UGP2: variants seen among roughly 807,000 people sequenced by gnomAD.
UGP2 encodes the protein UTP--glucose-1-phosphate uridylyltransferase.
UGP2 carries 40 observed loss-of-function variants against 49.0 expected under a neutral mutation model. That is an observed-to-expected ratio of 0.82 (90% CI 0.63 to 1.06). The LOEUF is 1.06. UGP2 is among the 50% of genes least tolerant of loss of function. UGP2 has a pLI of 0.00. For synonymous variants in UGP2, 225 were observed against 213.0 expected (o/e 1.06, Z -0.49); for missense variants, 460 against 603.5 (o/e 0.76, Z 2.49).
At chr2:63,848,078 A>G (rs1331659673) in intron 1 of UGP2, among the ~76,000 whole-genome samples, 1 of 152,194 alleles carries the variant, frequency 6.6e-6, no homozygotes, top group Non-Finnish European at 1.5e-5. Context: ...GTTGGAGAAA[A>G]TTCCAGCAAT....
chr2:63,890,058 T>G, intron 8 of UGP2, 23 bp from the exon 9 acceptor site: 4 of 1,566,962 alleles, frequency 2.6e-6, no homozygotes, highest in Non-Finnish European at 3.5e-6. Flanking sequence ...AGACAAATTT[T>G]TATGTTTCTC....
At chr2:63,855,520 G>GTTTTTTTTTTTTTTTTTTTTTCTT (rs1669342591) in intron 1 of UGP2, 6 of 194,310 alleles carry the variant, frequency 3.1e-5, no homozygotes, top group Non-Finnish European at 4.9e-5. Flanking sequence ...TTCTTTTTCT[G>GTTTTTTTTTTTTTTTTTTTTTCTT]TTTTTTTTTT....
intron 1 of UGP2, among the ~76,000 whole-genome samples, chr2:63,850,920 G>A (rs889899585): frequency 2.0e-5 from 3 of 152,126 alleles, no homozygotes; most frequent in African/African-American, 7.2e-5. Context: ...TGTTACATGA[G>A]TATCTACTAT....
Position 63,882,631 on chromosome 2 carries a change from C to G in UGP2, c.421C>G (p.Leu141Val), listed in dbSNP as rs1424024725. The change falls in exon 4 of 10, where the codon CTG becomes GTG. Residue 141 changes from leucine to valine, a missense_variant. Coordinates refer to ENST00000337130, the MANE Select transcript of UGP2 (RefSeq NM_006759.4). ...GVRNENTFLD[L>V]TVQQIEHLNK... The stretch of plus-strand genomic sequence containing the variant: ...GAGGAATGAGAATACCTTTCTGGAT[C>G]TGACTGTTCAGCAAATTGAAGTGAG... 6 of 1,578,516 alleles carry G rather than the reference C, an allele frequency of 3.8e-6. No individual in the cohort carries two copies. The highest frequency in any genetic ancestry group is 3.4e-5 in the Admixed American group (2 of 58,394).
Position 63,891,408 on chromosome 2 carries a change from C to A in UGP2, c.*181C>A. ...AAAAGCACAGATGGAGCAATACTTT[C>A]CTTCTTTGAAGAGAATCCCAAAAGT... On this transcript the variant is annotated 3_prime_UTR_variant, in exon 10 of 10. Transcript: ENST00000337130. The A allele has an allele frequency of 2.4e-6, 1 of 419,190 alleles. No homozygotes were observed. The highest frequency in any genetic ancestry group is 4.1e-6 in the Non-Finnish European group (1 of 241,322). 26.0% of individuals were successfully genotyped at this position (419,190 alleles called of 1,614,324 possible). A position where few individuals can be genotyped will look rare whatever the true frequency, so the allele number is the denominator to read the frequency against.
In UGP2 at chr2:63,877,486, A is replaced by G. The variant is rs898826253; in HGVS notation, c.256-4980A>G. On this transcript the variant is annotated intron_variant, in intron 3 of 9. Coordinates refer to ENST00000337130, the MANE Select transcript of UGP2 (RefSeq NM_006759.4). Reference sequence around the variant, plus strand: ...AATACTTTCTCATTTATATTACCTTATTTTGTGTGCGTTTTCAAAAATATT... The same window carrying G: ...AATACTTTCTCATTTATATTACCTTGTTTTGTGTGCGTTTTCAAAAATATT... Among the ~76,000 whole-genome samples the G allele has an allele frequency of 2.6e-5, 4 of 152,088 alleles. No individual in the cohort carries two copies. In the South Asian group the frequency reaches 8.3e-4, roughly 32 times the overall value.
rs1672147885 is a variant in UGP2, at chr2:63,891,376, G to GAAAAC, written c.*149_*150insAAAAC. The GAAAAC allele has an allele frequency of 5.5e-6, 3 of 540,732 alleles. No homozygotes were observed. The highest frequency in any genetic ancestry group is 3.9e-5 in the Admixed American group (1 of 25,332). 33.5% of individuals were successfully genotyped at this position (540,732 alleles called of 1,614,324 possible). ...TAGAGTTTTCTGCAGTATGCTTTTA[G>GAAAAC]TCTAAGAAAAGCACAGATGGAGCAA... On this transcript the variant is annotated 3_prime_UTR_variant, in exon 10 of 10. Transcript: ENST00000337130.
intron 3 of UGP2, among the ~76,000 whole-genome samples, chr2:63,868,162 A>G (rs1670300778): frequency 6.6e-6 from 1 of 152,220 alleles, no homozygotes; most frequent in African/African-American, 2.4e-5. Context: ...TGTAGCTATT[A>G]AAATAATTAA....
Position 63,891,313 on chromosome 2 carries a change from T to TA in UGP2, c.*87dup, listed in dbSNP as rs1352940077. 6 of 1,124,990 alleles carry TA rather than the reference T, an allele frequency of 5.3e-6. No homozygotes were observed. The Admixed American group carries it at 5.9e-5, about 11-fold the overall frequency. The allele number at this position is 1,124,990 out of a possible 1,614,324, so 69.7% of individuals were successfully genotyped here. On this transcript the variant is annotated 3_prime_UTR_variant, in exon 10 of 10. Transcript: ENST00000337130. ...AGGATTCTAAAATAGGCAGGTACTT[T>TA]ACTATGTTACTGTACCCTGCAGTGT... is the stretch of plus-strand genomic sequence containing the variant.
At chr2:63,873,275 A>C (rs1024882347) in intron 3 of UGP2, among the ~76,000 whole-genome samples, 2 of 152,222 alleles carry the variant, frequency 1.3e-5, no homozygotes, top group Admixed American at 1.3e-4. Context: ...AATCATCTCA[A>C]ACCACATCAC....
intron 1 of UGP2, among the ~76,000 whole-genome samples, chr2:63,847,066 G>C (rs528909864): frequency 6.6e-6 from 1 of 152,084 alleles, no homozygotes; most frequent in East Asian, 1.9e-4. Flanking sequence ...TGCTAACTCA[G>C]CCTTTCTTCT....
intron 3 of UGP2, among the ~76,000 whole-genome samples, chr2:63,872,720 T>C (rs1227139675): frequency 6.6e-6 from 1 of 152,044 alleles, no homozygotes; most frequent in East Asian, 1.9e-4. Context: ...AACTACATAA[T>C]TTCCCTTTAG....
Position 63,886,248 on chromosome 2 carries a change from TTATA to T in UGP2, c.874-89_874-86del, listed in dbSNP as rs1050449086. On this transcript the variant is annotated intron_variant, in intron 6 of 9. Transcript: ENST00000337130. ...TTTACTCTGTTTCTACATAATGTAT[TTATA>T]TATTTTTTGTATAATCACTATCTTT... is the stretch of plus-strand genomic sequence containing the variant. 6 of 1,207,730 alleles carry T rather than the reference TTATA, an allele frequency of 5.0e-6. No individual in the cohort carries two copies. In the Admixed American group the frequency reaches 5.9e-5, roughly 12 times the overall value. 74.8% of individuals were successfully genotyped at this position (1,207,730 alleles called of 1,614,324 possible). A position where few individuals can be genotyped will look rare whatever the true frequency, so the allele number is the denominator to read the frequency against.
chr2:63,849,166 A>T (rs558862224), intron 1 of UGP2, among the ~76,000 whole-genome samples: 1 of 152,246 alleles, frequency 6.6e-6, no homozygotes, highest in Admixed American at 6.5e-5. Flanking sequence ...ACAAAAAGCC[A>T]TTAATTGTCT....
rs181880569 is a variant in UGP2 at position 63,858,950 on chromosome 2, T to C, written c.255+1014T>C. 6.2e-3 allele frequency among the ~76,000 whole-genome samples: 862 copies of C among 138,200 alleles called. 13 individuals are homozygous for C. The highest frequency in any genetic ancestry group is 0.022 in the African/African-American group (809 of 37,278). 90.7% of individuals were successfully genotyped at this position (138,200 alleles called of 152,430 possible). Reference sequence around the variant, plus strand: ...ACCCTAATTTAAGTAACCTCACTTATATAATTTATGATGGACCTGGGTGTA... The same window carrying C: ...ACCCTAATTTAAGTAACCTCACTTACATAATTTATGATGGACCTGGGTGTA... On this transcript the variant is annotated intron_variant, in intron 3 of 9. Transcript: ENST00000337130.
intron 1 of UGP2, among the ~76,000 whole-genome samples, chr2:63,852,099 T>C (rs529584828): frequency 2.0e-5 from 3 of 151,754 alleles, no homozygotes; most frequent in Non-Finnish European, 4.4e-5. Flanking sequence ...TAGGAAGGCT[T>C]TGGACCAATC....
chr2:63,863,834 G>A (rs890258446), intron 3 of UGP2, among the ~76,000 whole-genome samples: 2 of 152,128 alleles, frequency 1.3e-5, no homozygotes, highest in African/African-American at 4.8e-5. Flanking sequence ...AAGAAACTTG[G>A]ATGTGCCAGG....
At chr2:63,884,247 G>A (rs558188155) in intron 5 of UGP2, 154 bp downstream of exon 5, 3 of 897,636 alleles carry the variant, frequency 3.3e-6, no homozygotes, top group African/African-American at 3.4e-5. Context: ...TTGTTGATAT[G>A]TGATTGTTAT....
intron 8 of UGP2, 169 bp downstream of exon 8, chr2:63,887,813 C>T (rs1056366677): frequency 1.5e-5 from 14 of 930,674 alleles, no homozygotes; most frequent in Middle Eastern, 3.5e-4. Context: ...AAATATTTTA[C>T]TTCACATTTG....
Sources: gnomAD v4.1 joint callset for allele counts (sites outside exome capture counted in the v4.1 genomes callset) on GRCh38, gnomAD v4.1.1 for gene constraint, MANE v1.5 for transcripts, NCBI Gene and HGNC (gene_info 2026-07-23, HGNC 2026-07-21) for gene names.